The following CDH4 variants were observed in gnomAD, a reference collection of about 807,000 sequenced individuals.
CDH4 encodes the protein cadherin-4.
A neutral mutation model predicts 86.0 loss-of-function variants in CDH4; 33 were observed. The observed-to-expected ratio is 0.38, with a 90% CI of 0.29 to 0.51. CDH4 has a LOEUF of 0.51. CDH4 is among the 20% of genes least tolerant of loss of function. The pLI is 0.86. For missense variants in CDH4, 1,114 were observed against 1,307.4 expected (o/e 0.85, Z 2.28); for synonymous variants, 555 against 549.4 (o/e 1.01, Z -0.14).
chr20:61,387,054 A>G (rs1037911298), intron 2 of CDH4, among the ~76,000 whole-genome samples: 1 of 152,250 alleles, frequency 6.6e-6, no homozygotes, highest in Non-Finnish European at 1.5e-5. Context: ...ATATTTTGCA[A>G]TTTTGTTTAA....
At chr20:61,739,261 G>A (rs2088304183) in intron 2 of CDH4, among the ~76,000 whole-genome samples, 1 of 152,202 alleles carries the variant, frequency 6.6e-6, no homozygotes, top group Non-Finnish European at 1.5e-5. Context: ...AAGATTCTGG[G>A]CTGAGCACAA....
At chr20:61,783,202 G>A (rs1978639414) in intron 4 of CDH4, among the ~76,000 whole-genome samples, 1 of 152,188 alleles carries the variant, frequency 6.6e-6, no homozygotes, top group African/African-American at 2.4e-5. Flanking sequence ...ACAAATACAA[G>A]GCGTCAATGA....
intron 2 of CDH4, among the ~76,000 whole-genome samples, chr20:61,605,599 G>GTCTCTGTTTCTGTCTCTC (rs2086638405): frequency 7.0e-6 from 1 of 143,658 alleles, no homozygotes; most frequent in Non-Finnish European, 1.5e-5. Context: ...CTCTCCCTCT[G>GTCTCTGTTTCTGTCTCTC]TCTCTGTTTC....
rs551375825 is a variant in CDH4 at position 61,730,446 on chromosome 20, T to G, written c.170-13117T>G. On this transcript the variant is annotated intron_variant, in intron 2 of 15. Transcript: ENST00000614565. ...GATGGGCGTCTTTCAGTTAGCAACA[T>G]GTCCTTAATGCTCCTCCATGTCTGG... Among the ~76,000 whole-genome samples, 36 of 152,330 alleles carry G rather than the reference T, an allele frequency of 2.4e-4. No homozygotes were observed. In the South Asian group the frequency reaches 7.3e-3, roughly 31 times the overall value.
intron 2 of CDH4, among the ~76,000 whole-genome samples, chr20:61,638,392 A>G (rs917359776): frequency 2.0e-5 from 3 of 152,210 alleles, no homozygotes; most frequent in Non-Finnish European, 4.4e-5. Context: ...TGTGTTCTGT[A>G]GAATATCCTA....
intron 2 of CDH4, among the ~76,000 whole-genome samples, chr20:61,425,050 C>T (rs1347770082): frequency 2.0e-5 from 3 of 152,248 alleles, no homozygotes; most frequent in African/African-American, 4.8e-5. Context: ...TGAGCCCCAG[C>T]TCTGTGCCAG....
intron 2 of CDH4, among the ~76,000 whole-genome samples, chr20:61,396,324 G>T (rs2085016751): frequency 6.6e-6 from 1 of 152,174 alleles, no homozygotes; most frequent in Non-Finnish European, 1.5e-5. Flanking sequence ...CTTCCTTGGA[G>T]ACCTAGCAGG....
At chr20:61,436,521 G>A (rs1054325984) in intron 2 of CDH4, 3 of 152,268 alleles carry the variant, frequency 2.0e-5, no homozygotes, top group African/African-American at 4.8e-5. Flanking sequence ...GAACGCATAG[G>A]GTGAGGTCTG....
chr20:61,411,192 G>A (rs1365449435), intron 2 of CDH4, among the ~76,000 whole-genome samples: 2 of 151,618 alleles, frequency 1.3e-5, no homozygotes, highest in Admixed American at 1.3e-4. Flanking sequence ...TGACCAACAA[G>A]GCTAATGAGG....
rs1007794085 is a variant in CDH4, at chr20:61,605,218, C to CT, written c.170-138342dup. On this transcript the variant is annotated intron_variant, in intron 2 of 15. Coordinates refer to ENST00000614565, the MANE Select transcript of CDH4 (RefSeq NM_001794.5). Reference sequence around the variant, plus strand: ...GGTATCTGCCACTGAGGAAATGTGGCTTTGGATGAATGCCCTCGGGGTGCA... The same window carrying CT: ...GGTATCTGCCACTGAGGAAATGTGGCTTTTGGATGAATGCCCTCGGGGTGCA... Among the ~76,000 whole-genome samples the CT allele has an allele frequency of 4.0e-4, 61 of 152,316 alleles. 1 individual carries two copies. The highest frequency in any genetic ancestry group is 6.2e-4 in the Non-Finnish European group (42 of 68,024).
intron 2 of CDH4, among the ~76,000 whole-genome samples, chr20:61,716,841 G>T (rs575172159): frequency 7.2e-4 from 110 of 152,352 alleles, no homozygotes; most frequent in Non-Finnish European, 1.4e-3. Flanking sequence ...CTGGGAGGCA[G>T]AGGTTGCAGG....
At position 61,703,351 on chromosome 20, in the gene CDH4, T is replaced by C. The variant is rs972863941; in HGVS notation, c.170-40212T>C. Among the ~76,000 whole-genome samples the C allele has an allele frequency of 6.6e-6, 1 of 151,910 alleles. No homozygotes were observed. The highest frequency in any genetic ancestry group is 2.4e-5 in the African/African-American group (1 of 41,324). Reference sequence around the variant, plus strand: ...CACACCACGAGTGTCATGGAGAAAATAGGCCTGGCAGGATGGACACAGTTG... The same window carrying C: ...CACACCACGAGTGTCATGGAGAAAACAGGCCTGGCAGGATGGACACAGTTG... On this transcript the variant is annotated intron_variant, in intron 2 of 15. Transcript: ENST00000614565. This position sits in a 1 kb window ranked among gnomAD's most constrained non-coding sequence, Gnocchi z 4.3.
At chr20:61,697,458 C>T (rs1209545402) in intron 2 of CDH4, among the ~76,000 whole-genome samples, 1 of 152,082 alleles carries the variant, frequency 6.6e-6, no homozygotes, top group African/African-American at 2.4e-5. Context: ...ATTAGCTGAG[C>T]GTGGTGGTGG....
At chr20:61,758,627 A>G (rs1319071533) in intron 3 of CDH4, among the ~76,000 whole-genome samples, 5 of 152,182 alleles carry the variant, frequency 3.3e-5, no homozygotes, top group Non-Finnish European at 5.9e-5. Flanking sequence ...TCCTGAGGGC[A>G]TGACCTCAGG....
chr20:61,565,625 G>A (rs143288004), intron 2 of CDH4, among the ~76,000 whole-genome samples: 15 of 152,206 alleles, frequency 9.9e-5, no homozygotes, highest in Middle Eastern at 3.4e-3. Context: ...ACCCAAACAG[G>A]TGATCCAATG....
At chr20:61,298,349 C>T (rs2084367969) in intron 2 of CDH4, among the ~76,000 whole-genome samples, 1 of 149,658 alleles carries the variant, frequency 6.7e-6, no homozygotes, top group Admixed American at 6.8e-5. Context: ...GATCCACTCT[C>T]CTAGACAATC....
intron 2 of CDH4, among the ~76,000 whole-genome samples, chr20:61,356,209 G>A (rs989671729): frequency 3.3e-5 from 5 of 152,134 alleles, no homozygotes; most frequent in Non-Finnish European, 7.3e-5. Context: ...GAATGGACGA[G>A]GGATTATCTT....
rs781537370 is a variant in CDH4, at chr20:61,433,520, C to T, written c.169+178583C>T. Among the ~76,000 whole-genome samples the T allele has an allele frequency of 1.8e-4, 27 of 151,726 alleles. 1 individual carries two copies. Among genetic ancestry groups the T allele is most frequent in the South Asian group, 4.2e-4 (2 of 4,798 alleles). ...CCACTTGTCATGTAAAAAAAAAAAA[C>T]CTGCTAGAATTTTGACTGGGATTGT... On this transcript the variant is annotated intron_variant, in intron 2 of 15. Coordinates refer to ENST00000614565, the MANE Select transcript of CDH4 (RefSeq NM_001794.5).
chr20:61,922,915 C>T (rs1262085921), intron 9 of CDH4, among the ~76,000 whole-genome samples: 2 of 152,234 alleles, frequency 1.3e-5, no homozygotes, highest in Non-Finnish European at 2.9e-5. Flanking sequence ...ATGACCGCAC[C>T]CAGCCCTGCC....
Sources: gnomAD v4.1 joint callset for allele counts (sites outside exome capture counted in the v4.1 genomes callset) on GRCh38, gnomAD v4.1.1 for gene constraint, Gnocchi (gnomAD v3.1) non-coding constraint, MANE v1.5 for transcripts, NCBI Gene and HGNC (gene_info 2026-07-23, HGNC 2026-07-21) for gene names.